The following CTNNA2 variants were observed in gnomAD, a reference collection of about 807,000 sequenced individuals.
The protein encoded by CTNNA2 is catenin alpha-2.
CTNNA2 carries 42 observed loss-of-function variants against 101.0 expected under a neutral mutation model. That is an observed-to-expected ratio of 0.42 (90% CI 0.32 to 0.54). The LOEUF (loss-of-function observed/expected upper bound fraction) is 0.54, where lower values mean the gene tolerates loss of function less well. Among genes scored for constraint, CTNNA2 ranks in the 20% least tolerant of loss-of-function variants. The pLI, the probability that CTNNA2 is intolerant of heterozygous loss-of-function variation, is 0.14. For synonymous variants in CTNNA2, 450 were observed against 456.4 expected (o/e 0.99, Z 0.18); for missense variants, 871 against 1,223.1 (o/e 0.71, Z 4.29).
chr2:79,647,453 CAGAA>C (rs1680900880), intron 1 of CTNNA2, among the ~76,000 whole-genome samples: 2 of 152,092 alleles, frequency 1.3e-5, no homozygotes, highest in Non-Finnish European at 2.9e-5. Context: ...AACTGGGACT[CAGAA>C]AGGGCAGGCA....
At chr2:80,094,028 T>C (rs1326016023) in intron 7 of CTNNA2, among the ~76,000 whole-genome samples, 1 of 152,202 alleles carries the variant, frequency 6.6e-6, no homozygotes, top group African/African-American at 2.4e-5. Flanking sequence ...CATTTTTCAA[T>C]TTTGGCTTTT....
At chr2:79,200,459 T>C (rs1301135264) in intron 2 of CTNNA2, among the ~76,000 whole-genome samples, 2 of 151,802 alleles carry the variant, frequency 1.3e-5, no homozygotes, top group African/African-American at 2.4e-5. Flanking sequence ...TGAAACAAAC[T>C]TGTCTATTTA....
chr2:80,140,675 C>T (rs1358061209), intron 7 of CTNNA2, among the ~76,000 whole-genome samples: 10 of 152,184 alleles, frequency 6.6e-5, no homozygotes, highest in Admixed American at 2.6e-4. Flanking sequence ...CACATAATCT[C>T]ATGCCATCCA....
intron 13 of CTNNA2, among the ~76,000 whole-genome samples, chr2:80,578,010 C>T (rs1406564720): frequency 1.3e-5 from 2 of 152,196 alleles, no homozygotes; most frequent in African/African-American, 4.8e-5. Flanking sequence ...AATACTTTCT[C>T]ACTTTGTTTC....
At chr2:79,576,218 T>C (rs1451336282) in intron 1 of CTNNA2, among the ~76,000 whole-genome samples, 1 of 152,212 alleles carries the variant, frequency 6.6e-6, no homozygotes, top group Non-Finnish European at 1.5e-5. Context: ...AATAAATACA[T>C]ATTTAGATGT....
intron 9 of CTNNA2, among the ~76,000 whole-genome samples, chr2:80,436,480 A>G (rs1428886744): frequency 1.3e-5 from 2 of 152,120 alleles, no homozygotes; most frequent in African/African-American, 4.8e-5. Flanking sequence ...GGTTTGGGGA[A>G]GCATGGGTTC....
intron 3 of CTNNA2, among the ~76,000 whole-genome samples, chr2:79,791,885 C>T (rs1411964830): frequency 6.6e-6 from 1 of 152,108 alleles, no homozygotes; most frequent in Non-Finnish European, 1.5e-5. Context: ...CAACCATCTA[C>T]CAGAATCTCT....
intron 7 of CTNNA2, among the ~76,000 whole-genome samples, chr2:79,948,804 TAAAAATACAA>T (rs1253133749): frequency 1.3e-5 from 2 of 151,628 alleles, no homozygotes; most frequent in African/African-American, 4.8e-5. Context: ...CCGTCTCTAT[TAAAAATACAA>T]AAAAATAGCC....
intron 2 of CTNNA2, among the ~76,000 whole-genome samples, chr2:79,214,104 C>T (rs1461366250): frequency 6.6e-6 from 1 of 152,126 alleles, no homozygotes; most frequent in African/African-American, 2.4e-5. Context: ...TAGTCGGACA[C>T]AATCAGCAGG....
At chr2:80,068,618 T>C (rs1214397149) in intron 7 of CTNNA2, among the ~76,000 whole-genome samples, 1 of 152,220 alleles carries the variant, frequency 6.6e-6, no homozygotes, top group African/African-American at 2.4e-5. Context: ...CAAATTACAA[T>C]GTATTTTTTA....
At chr2:80,637,480 A>T (rs572796677) in intron 18 of CTNNA2, among the ~76,000 whole-genome samples, 3 of 152,044 alleles carry the variant, frequency 2.0e-5, no homozygotes, top group African/African-American at 7.2e-5. Flanking sequence ...CCAGTGACAG[A>T]GAGTGCACAG....
chr2:79,267,886 A>C (rs892746218), intron 2 of CTNNA2, among the ~76,000 whole-genome samples: 1 of 152,166 alleles, frequency 6.6e-6, no homozygotes, highest in African/African-American at 2.4e-5. Flanking sequence ...GATGCCCTAT[A>C]GTATAGGAGA....
At chr2:80,117,818 G>A (rs188198024) in intron 7 of CTNNA2, among the ~76,000 whole-genome samples, 133 of 152,280 alleles carry the variant, frequency 8.7e-4, no homozygotes, top group South Asian at 5.2e-3. Context: ...CATAGTTTGG[G>A]TGTTATATTA....
chr2:79,972,417 C>T (rs991919897), intron 7 of CTNNA2, among the ~76,000 whole-genome samples: 1 of 152,098 alleles, frequency 6.6e-6, no homozygotes, highest in Admixed American at 6.6e-5. Context: ...TTGGCATTTT[C>T]ATTCTGGAGA....
At chr2:80,553,711 A>G (rs1306791412) in intron 11 of CTNNA2, among the ~76,000 whole-genome samples, 1 of 152,190 alleles carries the variant, frequency 6.6e-6, no homozygotes, top group Non-Finnish European at 1.5e-5. Flanking sequence ...ATCCTTTTCT[A>G]GTTACTTACT....
chr2:80,001,316 G>A (rs1019870280), intron 7 of CTNNA2, among the ~76,000 whole-genome samples: 1 of 152,058 alleles, frequency 6.6e-6, no homozygotes, highest in Non-Finnish European at 1.5e-5. Context: ...TTGTTTTTCT[G>A]TCTTCTCTTC....
chr2:79,410,854 G>A (rs972992502), intron 4 of CTNNA2, among the ~76,000 whole-genome samples: 2 of 151,796 alleles, frequency 1.3e-5, no homozygotes, highest in Admixed American at 6.6e-5. Context: ...TCTATTGATT[G>A]GAATAGTTTC....
At chr2:79,909,926 C>T in intron 7 of CTNNA2, 129 bp downstream of exon 7, 1 of 914,598 alleles carries the variant, frequency 1.1e-6, no homozygotes, top group South Asian at 2.0e-5. Context: ...CAGGTGAAAC[C>T]AAAGAACTGC....
chr2:80,489,320 A>G (rs1353920893), intron 9 of CTNNA2, among the ~76,000 whole-genome samples: 1 of 152,214 alleles, frequency 6.6e-6, no homozygotes, highest in Non-Finnish European at 1.5e-5. Flanking sequence ...CTTTGAAAAG[A>G]AAGTAAAAAT....
Sources: gnomAD v4.1 joint callset for allele counts (sites outside exome capture counted in the v4.1 genomes callset) on GRCh38, gnomAD v4.1.1 for gene constraint, MANE v1.5 for transcripts, NCBI Gene and HGNC (gene_info 2026-07-23, HGNC 2026-07-21) for gene names.